PYM1: variants seen among roughly 807,000 people sequenced by gnomAD.
PYM1 encodes partner of Y14 and mago.
PYM1 carries 7 observed loss-of-function variants against 20.7 expected under a neutral mutation model. The observed-to-expected ratio is 0.34, with a 90% CI of 0.19 to 0.64. The LOEUF (loss-of-function observed/expected upper bound fraction) is 0.64. PYM1 is among the 30% of genes least tolerant of loss of function. The probability of loss-of-function intolerance (pLI) is 0.74; values close to 1 mark genes in which losing one functional copy is unlikely to be tolerated. For synonymous variants in PYM1, 100 were observed against 99.2 expected (o/e 1.01, Z -0.05); for missense variants, 194 against 250.0 (o/e 0.78, Z 1.51).
chr12:55,923,345 T>G (rs1883132268), intron 1 of PYM1, among the ~76,000 whole-genome samples: 1 of 151,556 alleles, frequency 6.6e-6, no homozygotes, highest in South Asian at 2.1e-4. Flanking sequence ...GCGTGAGGAT[T>G]GCTTGAGCCC....
At chr12:55,919,586 T>A (rs994982932) in intron 1 of PYM1, among the ~76,000 whole-genome samples, 1 of 152,208 alleles carries the variant, frequency 6.6e-6, no homozygotes, top group South Asian at 2.1e-4. Context: ...ATGTTATATA[T>A]GCATATGTGC....
chr12:55,921,718 G>C (rs1883100623), intron 1 of PYM1, among the ~76,000 whole-genome samples: 1 of 152,066 alleles, frequency 6.6e-6, no homozygotes, highest in Non-Finnish European at 1.5e-5. Flanking sequence ...AAAACTAAAA[G>C]AGTTCCCAAT....
chr12:55,920,403 C>A (rs1463795064), intron 1 of PYM1, among the ~76,000 whole-genome samples: 1 of 151,898 alleles, frequency 6.6e-6, no homozygotes, highest in Non-Finnish European at 1.5e-5. Flanking sequence ...TTCTGGGAGG[C>A]CAAGGTGGGC....
chr12:55,904,291 G>C (rs573133258), intron 1 of PYM1, among the ~76,000 whole-genome samples: 1 of 149,736 alleles, frequency 6.7e-6, no homozygotes, highest in African/African-American at 2.4e-5. Context: ...GTTGATGCAT[G>C]ATTTAAATTA....
chr12:55,908,313 C>T (rs1171172428), intron 1 of PYM1, among the ~76,000 whole-genome samples: 1 of 151,248 alleles, frequency 6.6e-6, no homozygotes, highest in Non-Finnish European at 1.5e-5. Context: ...TTTGTAATCC[C>T]AGCTACTGGG....
At chr12:55,921,864 A>G (rs889103071) in intron 1 of PYM1, among the ~76,000 whole-genome samples, 16 of 152,346 alleles carry the variant, frequency 1.1e-4, no homozygotes, top group African/African-American at 3.6e-4. Context: ...TCTCCTGGGC[A>G]GAAAAATGCC....
intron 1 of PYM1, among the ~76,000 whole-genome samples, chr12:55,905,726 A>G (rs951089391): frequency 5.1e-5 from 7 of 135,982 alleles, no homozygotes; most frequent in African/African-American, 1.9e-4. Context: ...ATATATATGT[A>G]TATATATATA....
In PYM1 at chr12:55,901,911, C is replaced by A; in HGVS notation, c.576G>T (p.Ala192=). 1.2e-6 allele frequency: 2 copies of A among 1,613,414 alleles called. No individual in the cohort carries two copies. Among genetic ancestry groups the A allele is most frequent in the Non-Finnish European group, 1.7e-6 (2 of 1,179,822 alleles). The part of the protein sequence containing the change: ...EQLEKLARRR[A]LEEELEDLEL... ...CCAAGTCCTCTAACTCCTCTTCTAG[C>A]GCCCTCCTCCTTGCTAGCTTTTCTA... The change falls in exon 3 of 3, where the codon GCG becomes GCT. Residue 192 remains alanine, a synonymous_variant. Coordinates refer to ENST00000408946, the MANE Select transcript of PYM1 (RefSeq NM_032345.3).
Position 55,927,879 on chromosome 12 carries a change from C to T in PYM1, c.-118G>A. ...GGGCCCTAGTTGCTTCTCGCCCAGA[C>T]CTCCTAACCCTGAGTGCCTCCTCGG... On this transcript the variant is annotated 5_prime_UTR_variant, in exon 1 of 3. Coordinates refer to ENST00000408946, the MANE Select transcript of PYM1 (RefSeq NM_032345.3). 2.2e-6 allele frequency: 3 copies of T among 1,337,026 alleles called. No homozygotes were observed. The highest frequency in any genetic ancestry group is 2.0e-4 in the Middle Eastern group (1 of 5,018). The allele number at this position is 1,337,026 out of a possible 1,614,324, so 82.8% of individuals were successfully genotyped here. A position where few individuals can be genotyped will look rare whatever the true frequency, so the allele number is the denominator to read the frequency against.
intron 1 of PYM1, among the ~76,000 whole-genome samples, chr12:55,916,928 T>C (rs1883017982): frequency 6.6e-6 from 1 of 151,262 alleles, no homozygotes; most frequent in Non-Finnish European, 1.5e-5. Context: ...CTGGGCAACA[T>C]GGTGAAACCT....
At chr12:55,927,630 C>A (rs956695822) in intron 1 of PYM1, 95 bp downstream of exon 1, 67 of 1,473,372 alleles carry the variant, frequency 4.5e-5, no homozygotes, top group African/African-American at 2.8e-5. Context: ...GTGGGGAGGT[C>A]GAATTCGTGT....
chr12:55,927,662 C>T lies in PYM1; in HGVS notation c.37+63G>A, dbSNP rs949533281. 3.3e-6 allele frequency: 5 copies of T among 1,529,842 alleles called. No individual in the cohort carries two copies. The African/African-American group carries it at 6.9e-5, about 21-fold the overall frequency. 94.8% of individuals were successfully genotyped at this position (1,529,842 alleles called of 1,614,324 possible). A position where few individuals can be genotyped will look rare whatever the true frequency, so the allele number is the denominator to read the frequency against. ...GTGTGCCGATTGCTGTCGGCCAACCCACTCAACCACCAGAGACCCGCGGGA... is the reference window on the plus strand; with the variant it reads ...GTGTGCCGATTGCTGTCGGCCAACCTACTCAACCACCAGAGACCCGCGGGA... On this transcript the variant is annotated intron_variant, in intron 1 of 2. Transcript: ENST00000408946.
At chr12:55,916,630 C>G (rs1883012852) in intron 1 of PYM1, among the ~76,000 whole-genome samples, 1 of 151,448 alleles carries the variant, frequency 6.6e-6, no homozygotes, top group Non-Finnish European at 1.5e-5. Context: ...AAAGCCCCGT[C>G]TCTACTAAAA....
intron 1 of PYM1, among the ~76,000 whole-genome samples, chr12:55,926,761 C>A (rs1360730313): frequency 6.6e-6 from 1 of 152,024 alleles, no homozygotes; most frequent in African/African-American, 2.4e-5. Context: ...AGTGTAGAAG[C>A]CCCCAAGCCT....
At chr12:55,927,189 A>C in intron 1 of PYM1, 4 of 1,539,758 alleles carry the variant, frequency 2.6e-6, no homozygotes, top group Non-Finnish European at 3.5e-6. Context: ...TCCCGATCGT[A>C]GCAAGCCACC....
chr12:55,907,934 T>C (rs1019588577), intron 1 of PYM1, among the ~76,000 whole-genome samples: 1 of 150,176 alleles, frequency 6.7e-6, no homozygotes, highest in African/African-American at 2.5e-5. Context: ...CGAGACTCCG[T>C]CTCAAAAAAA....
chr12:55,905,209 C>T (rs1363149799), intron 1 of PYM1, among the ~76,000 whole-genome samples: 1 of 149,922 alleles, frequency 6.7e-6, no homozygotes, highest in Non-Finnish European at 1.5e-5. Context: ...CGGGGTTTCA[C>T]CATGTTAGCC....
chr12:55,916,780 A>G (rs1208011914), intron 1 of PYM1, among the ~76,000 whole-genome samples: 3 of 152,184 alleles, frequency 2.0e-5, no homozygotes, highest in Admixed American at 1.3e-4. Context: ...AGCCTGGGCA[A>G]CAACAGCAAA....
chr12:55,911,265 C>A (rs1453202663), intron 1 of PYM1, among the ~76,000 whole-genome samples: 3 of 151,952 alleles, frequency 2.0e-5, no homozygotes, highest in African/African-American at 4.8e-5. Context: ...TGTGCCACCA[C>A]GTCCGGCTAA....
Sources: allele counts gnomAD v4.1 joint callset (sites outside exome capture counted in the v4.1 genomes callset), GRCh38; gene constraint gnomAD v4.1.1; transcripts MANE v1.5; gene names NCBI Gene and HGNC (gene_info 2026-07-23, HGNC 2026-07-21).